Variants in SGCG observed in about 807,000 individuals in gnomAD.
SGCG encodes gamma-sarcoglycan.
In SGCG, 26 loss-of-function variants were observed where a neutral mutation model predicts 29.3. The ratio of observed to expected loss-of-function variants is 0.89; its 90% CI spans 0.65 to 1.23. The LOEUF (loss-of-function observed/expected upper bound fraction) is 1.23, where lower values mean the gene tolerates loss of function less well. Among genes scored for constraint, SGCG ranks in the 50% most tolerant of loss-of-function variants. The pLI is 0.00. For missense variants in SGCG, 353 were observed against 356.0 expected, an observed-to-expected ratio of 0.99 and a Z score of 0.07; for synonymous variants, 145 against 129.7, an observed-to-expected ratio of 1.12 and a Z score of -0.80.
At chr13:23,228,786 CA>C (rs1878996462) in intron 2 of SGCG, among the ~76,000 whole-genome samples, 1 of 152,202 alleles carries the variant, frequency 6.6e-6, no homozygotes, top group South Asian at 2.1e-4. Context: ...CATGTTCCTG[CA>C]AAGGACATGA....
intron 2 of SGCG, among the ~76,000 whole-genome samples, chr13:23,226,756 G>A (rs1878914416): frequency 1.3e-5 from 2 of 152,198 alleles, no homozygotes; most frequent in African/African-American, 4.8e-5. Flanking sequence ...CTGGGGGCAG[G>A]AGGAAATGCA....
rs546244701 is a variant in SGCG at position 23,283,703 on chromosome 13, G to A, written c.505+4225G>A. 5.3e-5 allele frequency among the ~76,000 whole-genome samples: 8 copies of A among 152,248 alleles called. No individual in the cohort carries two copies. The South Asian group carries it at 8.3e-4, about 16-fold the overall frequency. On this transcript the variant is annotated intron_variant, in intron 5 of 7. Coordinates refer to ENST00000218867, the MANE Select transcript of SGCG (RefSeq NM_000231.3). ...ACCCATTAGTTGATGCAGTTTCTTC[G>A]TAGTGTCAATGGTCTTTACAATTTG... is the stretch of plus-strand genomic sequence containing the variant.
chr13:23,236,634 T>C (rs1593189732), intron 3 of SGCG, among the ~76,000 whole-genome samples: 2 of 152,074 alleles, frequency 1.3e-5, no homozygotes, highest in African/African-American at 4.8e-5. Flanking sequence ...GCCGAGATCA[T>C]GCCACTGCAC....
intron 3 of SGCG, among the ~76,000 whole-genome samples, chr13:23,239,873 A>C (rs1030404598): frequency 6.6e-6 from 1 of 152,198 alleles, no homozygotes; most frequent in African/African-American, 2.4e-5. Flanking sequence ...TAAATAATTA[A>C]TCCAAAAGGA....
intron 3 of SGCG, among the ~76,000 whole-genome samples, chr13:23,242,039 A>G (rs60958660): frequency 0.093 from 14,188 of 152,280 alleles, 803 homozygotes; most frequent in South Asian, 0.19. Context: ...ACCAGACTGA[A>G]TATTTTAAAA....
At chr13:23,245,773 G>T (rs1183217301) in intron 3 of SGCG, 1 of 152,102 alleles carries the variant, frequency 6.6e-6, no homozygotes, top group Non-Finnish European at 1.5e-5. Flanking sequence ...AATTTTCCCG[G>T]AAGACTAGAG....
intron 7 of SGCG, among the ~76,000 whole-genome samples, chr13:23,321,554 A>G (rs1232369857): frequency 2.0e-5 from 3 of 152,220 alleles, no homozygotes; most frequent in African/African-American, 7.2e-5. Flanking sequence ...ATAACTTAAC[A>G]GTGGATCTCA....
At chr13:23,163,573 C>T in the SGCG span, among the ~76,000 whole-genome samples, 1 of 152,150 alleles carries the variant, frequency 6.6e-6, no homozygotes, top group Non-Finnish European at 1.5e-5. Flanking sequence ...AGGTACAAAA[C>T]CTTGAGTCAT....
Position 23,320,769 on chromosome 13 carries a change from A to G in SGCG, c.702+9A>G. On this transcript the variant is annotated intron_variant, in intron 7 of 7. Transcript: ENST00000218867. ...ATAGTAGTGATGGAATGGTGAGTTC[A>G]TTCACAGATCAGCCTCCTACTGTAT... 1 of 1,612,668 alleles carries G rather than the reference A, an allele frequency of 6.2e-7. No individual in the cohort carries two copies.
intron 1 of SGCG, among the ~76,000 whole-genome samples, chr13:23,189,057 A>G (rs1764553): frequency 0.94 from 143,531 of 152,296 alleles, 67,672 homozygotes; most frequent in East Asian, 1. Flanking sequence ...CATTCTTCCT[A>G]GGATGTGGAG....
rs140842428 is a variant in SGCG, at chr13:23,281,837, C to G, written c.505+2359C>G. Among the ~76,000 whole-genome samples the G allele has an allele frequency of 1.8e-4, 27 of 152,326 alleles. 1 individual carries two copies. In the East Asian group the frequency reaches 5.2e-3, roughly 29 times the overall value. ...TAACGCTCGCTGGCCCACTGCTCAC[C>G]TCCTGCTGTGAGGCCCAGTTCCTAA... On this transcript the variant is annotated intron_variant, in intron 5 of 7. Coordinates refer to ENST00000218867, the MANE Select transcript of SGCG (RefSeq NM_000231.3).
intron 1 of SGCG, among the ~76,000 whole-genome samples, chr13:23,186,971 G>T (rs75973684): frequency 6.6e-6 from 1 of 152,132 alleles, no homozygotes; most frequent in East Asian, 1.9e-4. Context: ...CCTGGCCACC[G>T]AGTGGCTGCT....
chr13:23,310,309 A>G (rs967998965), intron 6 of SGCG, among the ~76,000 whole-genome samples: 1 of 151,744 alleles, frequency 6.6e-6, no homozygotes, highest in Non-Finnish European at 1.5e-5. Flanking sequence ...GGTGGTCTCG[A>G]TCTCCTGACC....
At chr13:23,324,313 T>C (rs1432094072) in intron 7 of SGCG, 55 bp from the exon 8 acceptor site, 1 of 1,530,856 alleles carries the variant, frequency 6.5e-7, no homozygotes, top group Non-Finnish European at 9.0e-7. Context: ...GGGGATTTGC[T>C]GCTGACCAGG....
At chr13:23,276,432 T>TC (rs1555242840) in intron 4 of SGCG, among the ~76,000 whole-genome samples, 1 of 20,488 alleles carries the variant, frequency 4.9e-5, no homozygotes, top group Non-Finnish European at 3.1e-4. Flanking sequence ...TTTAGTTTTC[T>TC]TTTTTTTTTT....
intron 5 of SGCG, among the ~76,000 whole-genome samples, chr13:23,281,100 T>C (rs1881288736): frequency 6.6e-6 from 1 of 152,076 alleles, no homozygotes; most frequent in Non-Finnish European, 1.5e-5. Flanking sequence ...TTTGGGAGGC[T>C]GAGGTGGATG....
intron 4 of SGCG, among the ~76,000 whole-genome samples, chr13:23,277,911 G>A (rs897954472): frequency 2.0e-5 from 3 of 151,916 alleles, no homozygotes; most frequent in African/African-American, 7.2e-5. Context: ...TGTTAGCCAG[G>A]ATGGTCTCGA....
At chr13:23,160,577 T>C in the SGCG span, among the ~76,000 whole-genome samples, 2 of 152,066 alleles carry the variant, frequency 1.3e-5, no homozygotes, top group African/African-American at 4.8e-5. Flanking sequence ...AAGACTGTGG[T>C]GTCATCCCGT....
In SGCG at chr13:23,250,047, C is replaced by G. The variant is rs569699643; in HGVS notation, c.298-583C>G. ...TGAAATTTATTTTTCTTTCTGTTCT[C>G]TGATGTCGATTTTATTGTGTATTTT... On this transcript the variant is annotated intron_variant, in intron 3 of 7. Transcript: ENST00000218867. Among the ~76,000 whole-genome samples the G allele has an allele frequency of 2.1e-3, 313 of 152,184 alleles. 1 individual carries two copies. The highest frequency in any genetic ancestry group is 7.3e-3 in the African/African-American group (305 of 41,550).
Sources: gnomAD v4.1 joint callset for allele counts (sites outside exome capture counted in the v4.1 genomes callset) on GRCh38, gnomAD v4.1.1 for gene constraint, MANE v1.5 for transcripts, NCBI Gene and HGNC (gene_info 2026-07-23, HGNC 2026-07-21) for gene names.